Variants in LAMB4 observed in about 807,000 individuals in gnomAD.
The protein encoded by LAMB4 is laminin subunit beta-4.
A neutral mutation model predicts 199.2 loss-of-function variants in LAMB4; 196 were observed. That is an observed-to-expected ratio of 0.98 (90% CI 0.88 to 1.11). The LOEUF (loss-of-function observed/expected upper bound fraction) is 1.11, where lower values mean the gene tolerates loss of function less well. Ranked by LOEUF, LAMB4 falls within the 50% of genes least tolerant of loss-of-function variation. The probability of loss-of-function intolerance (pLI) is 0.00; values close to 1 mark genes in which losing one functional copy is unlikely to be tolerated. For missense variants in LAMB4, 2,080 were observed against 2,171.2 expected (o/e 0.96, Z 0.83); for synonymous variants, 744 against 770.6 (o/e 0.97, Z 0.57).
intron 14 of LAMB4, among the ~76,000 whole-genome samples, chr7:108,090,572 A>C (rs1251128269): frequency 6.6e-6 from 1 of 152,094 alleles, no homozygotes; most frequent in African/African-American, 2.4e-5. Context: ...GTATTGGCAT[A>C]CTTGATATTA....
the LAMB4 span, among the ~76,000 whole-genome samples, chr7:108,016,275 ATTTTTT>A: frequency 9.2e-5 from 9 of 97,832 alleles, no homozygotes; most frequent in East Asian, 3.0e-4. Flanking sequence ...GCATTTTGGA[ATTTTTT>A]TTTTTTTTTT....
chr7:108,102,221 A>G (rs2037838479), intron 10 of LAMB4, among the ~76,000 whole-genome samples: 1 of 152,256 alleles, frequency 6.6e-6, no homozygotes, highest in South Asian at 2.1e-4. Flanking sequence ...AAAAACTTCT[A>G]TAAGAAATTA....
Position 108,068,076 on chromosome 7 carries a change from C to A in LAMB4, c.2386G>T (p.Gly796Trp). The A allele has an allele frequency of 6.2e-7, 1 of 1,614,168 alleles. No homozygotes were observed. The highest frequency in any genetic ancestry group is 1.3e-5 in the African/African-American group (1 of 75,050). The change falls in exon 19 of 34, where the codon GGG becomes TGG. Residue 796 changes from glycine (G) to tryptophan (W), a missense_variant. By Grantham distance (184) the Gly-to-Trp change is radical. Transcript: ENST00000388781. ...GQCQCKPLVV[G>W]RCCDRCSTGS... ...GTTGAGCACCTGTCACAGCAGCGCCCGACCACAAGAGGTTTACACTGGCAC... is the reference window on the plus strand; with the variant it reads ...GTTGAGCACCTGTCACAGCAGCGCCAGACCACAAGAGGTTTACACTGGCAC...
At chr7:108,106,079 T>G (rs1179084010) in intron 7 of LAMB4, 48 bp from the exon 8 acceptor site, 1 of 1,373,350 alleles carries the variant, frequency 7.3e-7, no homozygotes, top group East Asian at 2.3e-5. Context: ...GGTGCATCAG[T>G]TCAAGGGACT....
intron 17 of LAMB4, among the ~76,000 whole-genome samples, chr7:108,072,615 C>T (rs115112190): frequency 7.2e-5 from 11 of 152,280 alleles, no homozygotes; most frequent in African/African-American, 2.2e-4. Context: ...TGCCCTGTCA[C>T]GGTTCCCAGG....
At chr7:108,103,780 T>G (rs2037900810) in intron 9 of LAMB4, among the ~76,000 whole-genome samples, 1 of 152,216 alleles carries the variant, frequency 6.6e-6, no homozygotes, top group Non-Finnish European at 1.5e-5. Flanking sequence ...TGATAATGTC[T>G]ACACTGTTTG....
Position 108,049,366 on chromosome 7 carries a change from T to C in LAMB4, c.4082A>G (p.Lys1361Arg). 1 of 1,585,686 alleles carries C rather than the reference T, an allele frequency of 6.3e-7. No homozygotes were observed. The highest frequency in any genetic ancestry group is 8.6e-7 in the Non-Finnish European group (1 of 1,156,382). ...TTGGATATCTGGTATCTTAATCTGC[T>C]TTAATCTTTCCAATGACAAGTTTCC... ...SKGNLSLERL[K>R]QIKIPDIQIL... The change falls in exon 27 of 34, where the codon AAG becomes AGG. Residue 1361 changes from lysine to arginine, a missense_variant. Transcript: ENST00000388781.
At chr7:108,019,266 A>G (rs1252869964), downstream of LAMB4, among the ~76,000 whole-genome samples, 1 of 151,978 alleles carries the variant, frequency 6.6e-6, no homozygotes, top group East Asian at 1.9e-4. Context: ...TACCTTCCTC[A>G]GCCATTGGCC....
chr7:108,012,125 C>G, the LAMB4 span, among the ~76,000 whole-genome samples: 1 of 148,390 alleles, frequency 6.7e-6, no homozygotes, highest in African/African-American at 2.5e-5. Flanking sequence ...TAGCAAACAA[C>G]AACATAATTT....
Position 108,066,456 on chromosome 7 carries a change from G to C in LAMB4, c.2591C>G (p.Pro864Arg), listed in dbSNP as rs1296991958. 8 of 1,614,184 alleles carry C rather than the reference G, an allele frequency of 5.0e-6. No homozygotes were observed. In the East Asian group the frequency reaches 1.6e-4, roughly 31 times the overall value. ...ACAAAGTTCAGCAAACCTATTACAA[G>C]GGCAAGGGTGGCAGCTGGGAAATCC... The part of the protein sequence containing the change: ...YFGFPSCHPC[P>R]CNRFAELCDP... Residue 864 changes from proline to arginine, a missense_variant, in exon 20 of 34, where the codon CCT becomes CGT. Transcript: ENST00000388781.
chr7:108,011,715 G>C, the LAMB4 span, among the ~76,000 whole-genome samples: 1 of 151,980 alleles, frequency 6.6e-6, no homozygotes, highest in East Asian at 1.9e-4. Flanking sequence ...CACTGCACTC[G>C]GCCCACTCTC....
chr7:108,012,124 A>G, the LAMB4 span, among the ~76,000 whole-genome samples: 1 of 149,954 alleles, frequency 6.7e-6, no homozygotes. Context: ...ATAGCAAACA[A>G]CAACATAATT....
intron 1 of LAMB4, among the ~76,000 whole-genome samples, chr7:108,126,157 C>T (rs189438487): frequency 1.3e-5 from 2 of 152,344 alleles, no homozygotes; most frequent in East Asian, 3.9e-4. Context: ...CTGAATGCAA[C>T]TGAGAATCAC....
chr7:108,116,115 G>GGCCT lies in LAMB4; in HGVS notation c.80_81insAGGC (p.Cys28GlyfsTer8). 1 of 1,614,052 alleles carries GGCCT rather than the reference G, an allele frequency of 6.2e-7. No homozygotes were observed. ...GGAGATCACCAGTGGTGGGATGACAGGCACCCCTGTTGCAGTCATCTTGAG... is the reference window on the plus strand; with the variant it reads ...GGAGATCACCAGTGGTGGGATGACAGGCCTGCACCCCTGTTGCAGTCATCTTGAG... On this transcript the variant is annotated frameshift_variant, in exon 3 of 34. Transcript: ENST00000388781. LOFTEE classifies it high-confidence loss of function.
At chr7:108,046,562 A>G (rs980508454) in intron 28 of LAMB4, among the ~76,000 whole-genome samples, 15 of 152,124 alleles carry the variant, frequency 9.9e-5, no homozygotes, top group South Asian at 2.1e-4. Context: ...TTTTCAAACC[A>G]CAGAATAAAA....
intron 8 of LAMB4, 36 bp from the exon 9 acceptor site, chr7:108,104,655 C>T: frequency 6.2e-7 from 1 of 1,604,554 alleles, no homozygotes; most frequent in East Asian, 2.3e-5. Context: ...TGAAAGAGGG[C>T]TTGTCCTTGG....
chr7:108,054,603 T>C (rs2035922219), intron 25 of LAMB4, among the ~76,000 whole-genome samples: 2 of 152,138 alleles, frequency 1.3e-5, no homozygotes, highest in African/African-American at 4.8e-5. Flanking sequence ...GGGTAGAAAC[T>C]ATACCCAATT....
intron 7 of LAMB4, among the ~76,000 whole-genome samples, 157 bp from the exon 8 acceptor site, chr7:108,106,188 C>T (rs2038002956): frequency 6.6e-6 from 1 of 152,064 alleles, no homozygotes; most frequent in Non-Finnish European, 1.5e-5. Context: ...GTGGCCGAGG[C>T]AGGAGGATCC....
Position 108,066,352 on chromosome 7 carries a change from G to GCATATGAATT in LAMB4, c.2678+7_2678+16dup. The GCATATGAATT allele has an allele frequency of 6.4e-7, 1 of 1,573,912 alleles. No individual in the cohort carries two copies. Among genetic ancestry groups the GCATATGAATT allele is most frequent in the Non-Finnish European group, 8.7e-7 (1 of 1,144,408 alleles). On this transcript the variant is annotated intron_variant, in intron 20 of 33. Coordinates refer to ENST00000388781, the MANE Select transcript of LAMB4 (RefSeq NM_007356.3). ...GTGTTAAAGACCTAAAAATTAAAGTGCATATGAATTCCATACCTTTCACAG... is the reference window on the plus strand; with the variant it reads ...GTGTTAAAGACCTAAAAATTAAAGTGCATATGAATTCATATGAATTCCATACCTTTCACAG...
Sources: gnomAD v4.1 joint callset for allele counts (sites outside exome capture counted in the v4.1 genomes callset) on GRCh38, gnomAD v4.1.1 for gene constraint, MANE v1.5 for transcripts, NCBI Gene and HGNC (gene_info 2026-07-23, HGNC 2026-07-21) for gene names.